DNAH14: variants seen among roughly 807,000 people sequenced by gnomAD.
DNAH14 encodes axonemal beta dynein heavy chain 14.
DNAH14 carries 478 observed loss-of-function variants against 520.9 expected under a neutral mutation model. That is an observed-to-expected ratio of 0.92 (90% CI 0.85 to 0.99). The LOEUF is 0.99. DNAH14 is among the 50% of genes least tolerant of loss of function. The probability of loss-of-function intolerance (pLI) is 0.00; values close to 1 mark genes in which losing one functional copy is unlikely to be tolerated. For missense variants in DNAH14, 4,831 were observed against 5,234.5 expected (o/e 0.92, Z 2.38); for synonymous variants, 1,581 against 1,757.2 (o/e 0.90, Z 2.51).
At chr1:225,173,865 G>T (rs1405109945) in intron 36 of DNAH14, among the ~76,000 whole-genome samples, 2 of 152,176 alleles carry the variant, frequency 1.3e-5, no homozygotes, top group African/African-American at 2.4e-5. Flanking sequence ...CAATCCAAAT[G>T]TCCAACAATG....
At position 225,232,896 on chromosome 1, in the gene DNAH14, C is replaced by T. The variant is rs1431513311; in HGVS notation, c.6518+1745C>T. Reference sequence around the variant, plus strand: ...ATGGTGGTTTGCTGCACAGATCATGCCATCACCTAGGTATTAAGCCCAGCA... The same window carrying T: ...ATGGTGGTTTGCTGCACAGATCATGTCATCACCTAGGTATTAAGCCCAGCA... On this transcript the variant is annotated intron_variant, in intron 42 of 85. Coordinates refer to ENST00000682510, the MANE Select transcript of DNAH14 (RefSeq NM_001367479.1). This position sits in a 1 kb window ranked among gnomAD's most constrained non-coding sequence, Gnocchi z 4.2. Among the ~76,000 whole-genome samples, 1 of 152,088 alleles carries T rather than the reference C, an allele frequency of 6.6e-6. No homozygotes were observed. Among genetic ancestry groups the T allele is most frequent in the Non-Finnish European group, 1.5e-5 (1 of 68,028 alleles).
intron 81 of DNAH14, among the ~76,000 whole-genome samples, chr1:225,386,791 A>G (rs1333085283): frequency 2.4e-4 from 37 of 152,250 alleles, no homozygotes; most frequent in Admixed American, 2.4e-3. Context: ...GTGGGACTGT[A>G]AACTAGTTCA....
chr1:225,050,185 C>A, intron 15 of DNAH14, 25 bp from the exon 16 acceptor site: 1 of 1,510,478 alleles, frequency 6.6e-7, no homozygotes. Flanking sequence ...TTCTGAAGTA[C>A]TGACTTTTAA....
chr1:225,074,216 G>T (rs113950784), intron 17 of DNAH14, among the ~76,000 whole-genome samples: 2 of 147,244 alleles, frequency 1.4e-5, no homozygotes, highest in Non-Finnish European at 3.0e-5. Context: ...AGCCGGGATG[G>T]TCTCGATCTC....
intron 4 of DNAH14, 125 bp downstream of exon 4, chr1:224,960,427 G>T: frequency 2.9e-6 from 3 of 1,051,708 alleles, no homozygotes; most frequent in Non-Finnish European, 3.9e-6. Context: ...TTATGTGTTT[G>T]GTTGCTTAAG....
intron 8 of DNAH14, among the ~76,000 whole-genome samples, chr1:225,002,249 C>G (rs1356545071): frequency 1.3e-5 from 2 of 151,990 alleles, no homozygotes; most frequent in African/African-American, 2.4e-5. Flanking sequence ...TCTGTTATTT[C>G]CAGTGTAGTT....
intron 40 of DNAH14, among the ~76,000 whole-genome samples, chr1:225,206,430 A>G (rs902301034): frequency 2.0e-5 from 3 of 152,156 alleles, no homozygotes; most frequent in Non-Finnish European, 4.4e-5. Context: ...TGGGTAAACA[A>G]ATAGACAGGT....
intron 11 of DNAH14, among the ~76,000 whole-genome samples, chr1:225,028,264 G>T (rs1319261511): frequency 3.9e-5 from 6 of 152,030 alleles, no homozygotes; most frequent in African/African-American, 1.4e-4. Context: ...CAGCTTTTGT[G>T]TGTGTGTGGG....
At position 225,357,963 on chromosome 1, in the gene DNAH14, T is replaced by C. The variant is rs1031134161; in HGVS notation, c.11620-533T>C. On this transcript the variant is annotated intron_variant, in intron 73 of 85. Transcript: ENST00000682510. ...GTATACCCTGAACCTCTGTTTACTA[T>C]GCATTTATACTGTTTCCAAAATCTT... 3 of 633,788 alleles carry C rather than the reference T, an allele frequency of 4.7e-6. 1 individual carries two copies. In the South Asian group the frequency reaches 5.8e-5, roughly 12 times the overall value. 39.3% of individuals were successfully genotyped at this position (633,788 alleles called of 1,614,324 possible).
chr1:225,166,540 T>C (rs2082062837), intron 35 of DNAH14, among the ~76,000 whole-genome samples: 2 of 152,232 alleles, frequency 1.3e-5, no homozygotes, highest in Admixed American at 1.3e-4. Context: ...GCATTTTTGA[T>C]GGCTTACACA....
chr1:225,232,265 T>G lies in DNAH14; in HGVS notation c.6518+1114T>G, dbSNP rs923118721. Among the ~76,000 whole-genome samples, 3 of 137,560 alleles carry G rather than the reference T, an allele frequency of 2.2e-5. No homozygotes were observed. Among genetic ancestry groups the G allele is most frequent in the Non-Finnish European group, 4.9e-5 (3 of 61,306 alleles). The allele number at this position is 137,560 out of a possible 152,430, so 90.2% of individuals were successfully genotyped here. A position where few individuals can be genotyped will look rare whatever the true frequency, so the allele number is the denominator to read the frequency against. On this transcript the variant is annotated intron_variant, in intron 42 of 85. Transcript: ENST00000682510. This position sits in a 1 kb window ranked among gnomAD's most constrained non-coding sequence, Gnocchi z 4.2. Reference sequence around the variant, plus strand: ...GTCCATTGTCATTATATATATAAACTGTGATATATATATATACACACACAC... The same window carrying G: ...GTCCATTGTCATTATATATATAAACGGTGATATATATATATACACACACAC...
At chr1:225,058,508 G>A (rs1356099783) in intron 17 of DNAH14, among the ~76,000 whole-genome samples, 19 of 152,070 alleles carry the variant, frequency 1.2e-4, no homozygotes, top group South Asian at 2.1e-4. Flanking sequence ...TTTTTTGAAG[G>A]GTGTTTTGTG....
chr1:224,951,305 C>T (rs1209713860), intron 1 of DNAH14, among the ~76,000 whole-genome samples: 2 of 152,132 alleles, frequency 1.3e-5, no homozygotes, highest in Admixed American at 6.6e-5. Context: ...GGATTACAGA[C>T]GTGAGCTACT....
rs199688511 is a variant in DNAH14 at position 225,107,422 on chromosome 1, AC to A, written c.3867+6539del. Among the ~76,000 whole-genome samples, 761 of 152,224 alleles carry A rather than the reference AC, an allele frequency of 5.0e-3. 6 individuals are homozygous for A. The highest frequency in any genetic ancestry group is 0.017 in the African/African-American group (718 of 41,518). Reference sequence around the variant, plus strand: ...ACTGAAACTGAGTTCCTTTTACCTAACATCTGGCTTTCAACAAAAACTTATT... The same window carrying A: ...ACTGAAACTGAGTTCCTTTTACCTAAATCTGGCTTTCAACAAAAACTTATT... On this transcript the variant is annotated intron_variant, in intron 23 of 85. Coordinates refer to ENST00000682510, the MANE Select transcript of DNAH14 (RefSeq NM_001367479.1).
intron 1 of DNAH14, among the ~76,000 whole-genome samples, chr1:224,931,461 C>T (rs1364947488): frequency 6.6e-6 from 1 of 152,088 alleles, no homozygotes; most frequent in Non-Finnish European, 1.5e-5. Context: ...TGTCCATGAC[C>T]TGAGTACAAT....
intron 26 of DNAH14, among the ~76,000 whole-genome samples, chr1:225,121,073 A>G (rs2077250861): frequency 6.6e-6 from 1 of 152,196 alleles, no homozygotes; most frequent in African/African-American, 2.4e-5. Context: ...AACTAAAGAT[A>G]TTTCATCCTA....
intron 17 of DNAH14, among the ~76,000 whole-genome samples, chr1:225,054,033 C>G (rs746024818): frequency 5.9e-5 from 9 of 152,028 alleles, no homozygotes; most frequent in Non-Finnish European, 1.2e-4. Context: ...GTGAGTGCTC[C>G]CCATGAGACA....
intron 23 of DNAH14, among the ~76,000 whole-genome samples, chr1:225,110,030 A>G (rs2076367133): frequency 6.6e-6 from 1 of 152,176 alleles, no homozygotes; most frequent in Admixed American, 6.6e-5. Context: ...ACTGGGATGA[A>G]TCCCACTTGG....
chr1:225,062,928 A>T (rs1025897226), intron 17 of DNAH14, among the ~76,000 whole-genome samples: 3 of 152,226 alleles, frequency 2.0e-5, no homozygotes, highest in African/African-American at 7.2e-5. Context: ...TGTAACACTG[A>T]CAATGCTTGG....
Sources: allele counts gnomAD v4.1 joint callset (sites outside exome capture counted in the v4.1 genomes callset), GRCh38; gene constraint gnomAD v4.1.1; non-coding constraint Gnocchi (gnomAD v3.1); transcripts MANE v1.5; gene names NCBI Gene and HGNC (gene_info 2026-07-23, HGNC 2026-07-21).